DLG2: variants seen among roughly 807,000 people sequenced by gnomAD.
DLG2 encodes the protein discs large MAGUK scaffold protein 2.
In DLG2, 45 loss-of-function variants were observed where a neutral mutation model predicts 132.5. The ratio of observed to expected loss-of-function variants is 0.34; its 90% CI spans 0.27 to 0.44. The LOEUF is 0.44. Among genes scored for constraint, DLG2 ranks in the 20% least tolerant of loss-of-function variants. The pLI is 1.00. For missense variants in DLG2, 1,045 were observed against 1,196.9 expected, an observed-to-expected ratio of 0.87 and a Z score of 1.87; for synonymous variants, 424 against 419.6, an observed-to-expected ratio of 1.01 and a Z score of -0.13.
intron 18 of DLG2, among the ~76,000 whole-genome samples, chr11:83,735,835 A>T (rs1327490179): frequency 2.0e-5 from 3 of 152,218 alleles, no homozygotes; most frequent in African/African-American, 7.2e-5. Flanking sequence ...CTTATTTAAC[A>T]GATGAAAAGA....
At chr11:83,639,124 T>C (rs1013348080) in intron 18 of DLG2, among the ~76,000 whole-genome samples, 1 of 152,162 alleles carries the variant, frequency 6.6e-6, no homozygotes, top group Non-Finnish European at 1.5e-5. Context: ...GGTGGCTTAC[T>C]TTGGTTCTGA....
intron 15 of DLG2, among the ~76,000 whole-genome samples, chr11:83,883,138 T>C (rs56324977): frequency 1.9e-3 from 293 of 152,342 alleles, no homozygotes; most frequent in African/African-American, 6.9e-3. Flanking sequence ...TTTGCATTTC[T>C]ATAAGTCATC....
intron 5 of DLG2, among the ~76,000 whole-genome samples, chr11:85,115,112 G>A (rs1354655284): frequency 2.0e-5 from 3 of 151,764 alleles, no homozygotes; most frequent in African/African-American, 7.3e-5. Context: ...GCGGTATTGA[G>A]AAGTATTGCA....
At chr11:85,539,501 G>A (rs2075821741) in intron 3 of DLG2, among the ~76,000 whole-genome samples, 1 of 152,160 alleles carries the variant, frequency 6.6e-6, no homozygotes, top group Non-Finnish European at 1.5e-5. Context: ...CTAAGGAGAG[G>A]AAGAATTAGA....
At chr11:83,685,765 C>A (rs760952531) in intron 18 of DLG2, among the ~76,000 whole-genome samples, 7 of 152,000 alleles carry the variant, frequency 4.6e-5, no homozygotes, top group Non-Finnish European at 8.8e-5. Flanking sequence ...ATCTAAGCAT[C>A]TCTACTTGAT....
chr11:85,583,124 G>GTATATATATATA (rs1565717537), intron 3 of DLG2, among the ~76,000 whole-genome samples: 1 of 41,056 alleles, frequency 2.4e-5, no homozygotes, highest in African/African-American at 7.4e-5. Flanking sequence ...GTGTGTGTGT[G>GTATATATATATA]TGTGTGTATA....
At chr11:84,949,502 A>G (rs1259055306) in intron 6 of DLG2, among the ~76,000 whole-genome samples, 4 of 139,900 alleles carry the variant, frequency 2.9e-5, no homozygotes, top group Non-Finnish European at 6.2e-5. Flanking sequence ...AGTCTCAACC[A>G]TAAGAGACAG....
intron 4 of DLG2, among the ~76,000 whole-genome samples, chr11:85,275,948 G>C (rs1277919622): frequency 2.0e-5 from 3 of 152,116 alleles, no homozygotes; most frequent in Admixed American, 2.0e-4. Context: ...GGTAAGGACA[G>C]TACACTGTTT....
chr11:83,934,238 T>C (rs2080975487), intron 14 of DLG2, among the ~76,000 whole-genome samples: 1 of 152,220 alleles, frequency 6.6e-6, no homozygotes, highest in Non-Finnish European at 1.5e-5. Context: ...TTTTCACATC[T>C]CTTTCATATC....
chr11:83,508,403 ATTTTTTTT>A lies in DLG2; in HGVS notation c.2194-24183_2194-24176del, dbSNP rs746968613. ...AGGTGCACACCACCACGCCTGGCTA[ATTTTTTTT>A]TTTTTTTTTTTTTTAGTAGAGATGG... On this transcript the variant is annotated intron_variant, in intron 21 of 27. Transcript: ENST00000376104. Among the ~76,000 whole-genome samples, 26 of 80,200 alleles carry A rather than the reference ATTTTTTTT, an allele frequency of 3.2e-4. 4 individuals are homozygous for A. Among genetic ancestry groups the A allele is most frequent in the African/African-American group, 1.6e-3 (26 of 15,890 alleles). The allele number at this position is 80,200 out of a possible 152,430, so 52.6% of individuals were successfully genotyped here.
chr11:83,856,589 T>C lies in DLG2; in HGVS notation c.1565+17831A>G, dbSNP rs938493861. 1.8e-4 allele frequency among the ~76,000 whole-genome samples: 27 copies of C among 152,240 alleles called. 1 individual carries two copies. Among genetic ancestry groups the C allele is most frequent in the Admixed American group, 1.6e-3 (24 of 15,290 alleles). On this transcript the variant is annotated intron_variant, in intron 16 of 27. Transcript: ENST00000376104. ...TTTGCATTTCTCTAATGATCAGTGA[T>C]GTTGACCTTTATTTTCATATGATAG... is the stretch of plus-strand genomic sequence containing the variant.
chr11:84,972,063 A>G (rs683490), intron 6 of DLG2, among the ~76,000 whole-genome samples: 4,145 of 152,002 alleles, frequency 0.027, 87 homozygotes, highest in Admixed American at 0.055. Context: ...AGAGGGGGGG[A>G]AAACATAAAA....
intron 6 of DLG2, among the ~76,000 whole-genome samples, chr11:84,966,899 A>C (rs2053425160): frequency 6.6e-6 from 1 of 152,128 alleles, no homozygotes; most frequent in South Asian, 2.1e-4. Flanking sequence ...TAAGGTTTTT[A>C]GTCTAAGAGA....
At chr11:84,445,631 T>G (rs1254932750) in intron 7 of DLG2, among the ~76,000 whole-genome samples, 1 of 152,038 alleles carries the variant, frequency 6.6e-6, no homozygotes, top group African/African-American at 2.4e-5. Context: ...TAAGTCTCAG[T>G]CATGGCCGGG....
rs142415814 is a variant in DLG2, at chr11:84,336,416, T to C, written c.520-85125A>G. ...CATTTTCAATGCTCACAGAACTTCA[T>C]GTTTGCTTGTCATGCCATAAAAGAG... On this transcript the variant is annotated intron_variant, in intron 7 of 27. Coordinates refer to ENST00000376104, the MANE Select transcript of DLG2 (RefSeq NM_001142699.3). Among the ~76,000 whole-genome samples the C allele has an allele frequency of 8.1e-4, 124 of 152,340 alleles. 2 individuals carry two copies. Among genetic ancestry groups the C allele is most frequent in the African/African-American group, 2.8e-3 (115 of 41,588 alleles).
Position 83,582,630 on chromosome 11 carries a change from T to C in DLG2, c.1941-40772A>G, listed in dbSNP as rs578105291. On this transcript the variant is annotated intron_variant, in intron 19 of 27. Coordinates refer to ENST00000376104, the MANE Select transcript of DLG2 (RefSeq NM_001142699.3). Reference sequence around the variant, plus strand: ...ATTCCCCAGCAATATTATTAATGGATTGGTTGTATTTGTGGGATATATAAG... The same window carrying C: ...ATTCCCCAGCAATATTATTAATGGACTGGTTGTATTTGTGGGATATATAAG... 4.6e-5 allele frequency among the ~76,000 whole-genome samples: 7 copies of C among 152,294 alleles called. No individual in the cohort carries two copies. In the South Asian group the frequency reaches 6.2e-4, roughly 14 times the overall value.
chr11:85,553,434 A>G lies in DLG2; in HGVS notation c.40+45223T>C, dbSNP rs115120018. On this transcript the variant is annotated intron_variant, in intron 3 of 27. Coordinates refer to ENST00000376104, the MANE Select transcript of DLG2 (RefSeq NM_001142699.3). ...TTTTTAAATTATCATATGTTGGACT[A>G]TAACAAGTGCTTTTTTTTTTTGGAG... Among the ~76,000 whole-genome samples the G allele has an allele frequency of 2.8e-3, 419 of 151,566 alleles. 4 individuals are homozygous for G. Among genetic ancestry groups the G allele is most frequent in the South Asian group, 0.027 (132 of 4,804 alleles).
At chr11:84,274,377 G>C (rs972553599) in intron 7 of DLG2, among the ~76,000 whole-genome samples, 12 of 152,270 alleles carry the variant, frequency 7.9e-5, no homozygotes, top group South Asian at 2.1e-4. Context: ...ATGTCAAGAG[G>C]TAAGAGGCAA....
intron 6 of DLG2, among the ~76,000 whole-genome samples, chr11:84,916,557 C>T (rs1191967345): frequency 3.9e-5 from 6 of 151,924 alleles, no homozygotes; most frequent in Non-Finnish European, 8.8e-5. Flanking sequence ...GTCCCCAGTC[C>T]CACTGGCACC....
Sources: allele counts gnomAD v4.1 joint callset (sites outside exome capture counted in the v4.1 genomes callset), GRCh38; gene constraint gnomAD v4.1.1; transcripts MANE v1.5; gene names NCBI Gene and HGNC (gene_info 2026-07-23, HGNC 2026-07-21).